Variants in PREX2 observed in about 807,000 individuals in gnomAD.
PREX2 encodes the protein phosphatidylinositol 3,4,5-trisphosphate-dependent Rac exchanger 2 protein.
PREX2 carries 107 observed loss-of-function variants against 203.2 expected under a neutral mutation model. The observed-to-expected ratio is 0.53, with a 90% CI of 0.45 to 0.62. The LOEUF (loss-of-function observed/expected upper bound fraction) is 0.62, where lower values mean the gene tolerates loss of function less well. Among genes scored for constraint, PREX2 ranks in the 20% least tolerant of loss-of-function variants. The probability of loss-of-function intolerance (pLI) is 0.00; values close to 1 mark genes in which losing one functional copy is unlikely to be tolerated. For missense variants in PREX2, 1,777 were observed against 1,955.9 expected (o/e 0.91, Z 1.72); for synonymous variants, 672 against 663.6 (o/e 1.01, Z -0.19).
chr8:68,178,269 T>C (rs748792139), intron 35 of PREX2, among the ~76,000 whole-genome samples: 3 of 152,166 alleles, frequency 2.0e-5, no homozygotes, highest in Non-Finnish European at 4.4e-5. Context: ...CCTTTTTCTC[T>C]GCAACCTCGT....
intron 1 of PREX2, among the ~76,000 whole-genome samples, chr8:67,973,218 C>G (rs1312526504): frequency 2.0e-5 from 3 of 152,178 alleles, no homozygotes; most frequent in Non-Finnish European, 4.4e-5. Flanking sequence ...CAAACATTCT[C>G]AGATTAATCT....
At chr8:68,035,715 T>A (rs1441403667) in intron 6 of PREX2, among the ~76,000 whole-genome samples, 1 of 152,172 alleles carries the variant, frequency 6.6e-6, no homozygotes, top group Non-Finnish European at 1.5e-5. Flanking sequence ...GGGAATTATT[T>A]AATTACTCAA....
chr8:68,010,447 A>G (rs1807225382), intron 1 of PREX2, among the ~76,000 whole-genome samples: 1 of 152,210 alleles, frequency 6.6e-6, no homozygotes, highest in African/African-American at 2.4e-5. Context: ...GTTAATAATA[A>G]TCATAACCAC....
intron 30 of PREX2, among the ~76,000 whole-genome samples, chr8:68,125,143 T>G (rs1020511174): frequency 6.6e-6 from 1 of 152,104 alleles, no homozygotes; most frequent in African/African-American, 2.4e-5. Context: ...TTAGGATCAT[T>G]GAAATCAGTT....
At chr8:68,185,409 C>T (rs1812170293) in intron 35 of PREX2, among the ~76,000 whole-genome samples, 1 of 152,150 alleles carries the variant, frequency 6.6e-6, no homozygotes, top group African/African-American at 2.4e-5. Context: ...TAGGGCATTG[C>T]TTCCACTTGA....
intron 25 of PREX2, among the ~76,000 whole-genome samples, chr8:68,111,356 C>T (rs1810531114): frequency 6.6e-6 from 1 of 152,020 alleles, no homozygotes; most frequent in Non-Finnish European, 1.5e-5. Flanking sequence ...TCTAGCACTG[C>T]CTCACAATCC....
intron 17 of PREX2, among the ~76,000 whole-genome samples, chr8:68,081,442 A>G (rs1410612482): frequency 1.3e-5 from 2 of 151,892 alleles, no homozygotes; most frequent in Non-Finnish European, 2.9e-5. Flanking sequence ...GAACTTCTTG[A>G]CCTTCTGGGA....
chr8:67,976,729 C>CAG lies in PREX2; in HGVS notation c.141+24210_141+24211dup, dbSNP rs765912949. ...GACGGGAGAGAGACAGAGAGAGAGA[C>CAG]AGAGAGAGAGAGAGAGATGCGAGAG... On this transcript the variant is annotated intron_variant, in intron 1 of 39. Transcript: ENST00000288368. 7.2e-4 allele frequency among the ~76,000 whole-genome samples: 33 copies of CAG among 45,670 alleles called. 4 individuals carry two copies. Among genetic ancestry groups the CAG allele is most frequent in the East Asian group, 1.8e-3 (1 of 542 alleles). 30.0% of individuals were successfully genotyped at this position (45,670 alleles called of 152,430 possible).
chr8:68,210,870 A>G (rs1812729917), intron 37 of PREX2, among the ~76,000 whole-genome samples: 1 of 152,238 alleles, frequency 6.6e-6, no homozygotes, highest in South Asian at 2.1e-4. Flanking sequence ...GAGGGTTAAC[A>G]TGTAAACAAT....
At chr8:67,968,534 A>C (rs1273619002) in intron 1 of PREX2, among the ~76,000 whole-genome samples, 10 of 152,206 alleles carry the variant, frequency 6.6e-5, no homozygotes, top group African/African-American at 2.4e-4. Flanking sequence ...AGTATAACCA[A>C]AGGGAAGGAA....
chr8:68,226,255 A>G (rs1052248557), intron 39 of PREX2, among the ~76,000 whole-genome samples: 4 of 152,298 alleles, frequency 2.6e-5, no homozygotes, highest in Admixed American at 1.3e-4. Flanking sequence ...GAGAGTATAA[A>G]CCTGAATTAG....
At chr8:68,035,983 A>G (rs968072021) in intron 6 of PREX2, among the ~76,000 whole-genome samples, 1 of 152,156 alleles carries the variant, frequency 6.6e-6, no homozygotes, top group African/African-American at 2.4e-5. Flanking sequence ...TTGATTAATA[A>G]TTGACTAAAC....
In PREX2 at chr8:68,000,228, G is replaced by A. The variant is rs375151116; in HGVS notation, c.142-17618G>A. On this transcript the variant is annotated intron_variant, in intron 1 of 39. Coordinates refer to ENST00000288368, the MANE Select transcript of PREX2 (RefSeq NM_024870.4). Reference sequence around the variant, plus strand: ...GTCTTAGCCCTGAAGCTCCTTAAGCGGATAAACAATTTTAGCAAAGTCTCT... The same window carrying A: ...GTCTTAGCCCTGAAGCTCCTTAAGCAGATAAACAATTTTAGCAAAGTCTCT... Among the ~76,000 whole-genome samples, 56 of 152,174 alleles carry A rather than the reference G, an allele frequency of 3.7e-4. No individual in the cohort carries two copies. In the South Asian group the frequency reaches 4.6e-3, roughly 12 times the overall value.
intron 8 of PREX2, among the ~76,000 whole-genome samples, chr8:68,046,217 C>T (rs541758753): frequency 1.4e-4 from 22 of 152,102 alleles, no homozygotes; most frequent in Non-Finnish European, 4.4e-5. Context: ...CACTTTCTCC[C>T]TTTACTCCCC....
chr8:68,229,781 A>G (rs1219245422), intron 39 of PREX2, among the ~76,000 whole-genome samples: 5 of 152,176 alleles, frequency 3.3e-5, no homozygotes, highest in Admixed American at 1.3e-4. Flanking sequence ...GACTAAGCCC[A>G]TTGTGCCTTT....
Position 68,217,686 on chromosome 8 carries a change from A to G in PREX2, c.4675A>G (p.Ile1559Val), listed in dbSNP as rs376557966. Residue 1559 changes from isoleucine to valine, a missense_variant, in exon 38 of 40, where the codon ATC becomes GTC. By Grantham distance (29) the Ile-to-Val change is conservative. Coordinates refer to ENST00000288368, the MANE Select transcript of PREX2 (RefSeq NM_024870.4). ...AAGCCACGGACTGCCACCTCGTTAC[A>G]TCATGCAGGCTACAGATGTGATGCG... is the stretch of plus-strand genomic sequence containing the variant. Reference protein sequence around the residue: ...ARSHGLPPRYIMQATDVMRKQ... With the variant: ...ARSHGLPPRYVMQATDVMRKQ... 7 of 1,613,986 alleles carry G rather than the reference A, an allele frequency of 4.3e-6. No individual in the cohort carries two copies. Among genetic ancestry groups the G allele is most frequent in the Non-Finnish European group, 5.9e-6 (7 of 1,179,982 alleles).
At chr8:68,184,914 ACC>A (rs1812159672) in intron 35 of PREX2, among the ~76,000 whole-genome samples, 1 of 152,136 alleles carries the variant, frequency 6.6e-6, no homozygotes, top group African/African-American at 2.4e-5. Flanking sequence ...CACCAGCTTA[ACC>A]CTATTGAGCT....
At chr8:68,209,717 G>A (rs929642925) in intron 37 of PREX2, among the ~76,000 whole-genome samples, 1 of 152,088 alleles carries the variant, frequency 6.6e-6, no homozygotes, top group African/African-American at 2.4e-5. Context: ...TTTCAAATTC[G>A]TTAACAAATA....
In PREX2 at chr8:68,118,554, TGCAACA is replaced by T; in HGVS notation, c.3336_3341del (p.Ser1113_Asn1114del). The T allele has an allele frequency of 6.2e-7, 1 of 1,613,010 alleles. No homozygotes were observed. The highest frequency in any genetic ancestry group is 8.5e-7 in the Non-Finnish European group (1 of 1,178,966). ...CATGAAACCTGTTGTTTTCAGTGAC[TGCAACA>T]GCAATAGGAATTCCATCGCCTCCTT... is the stretch of plus-strand genomic sequence containing the variant. On this transcript the variant is annotated inframe_deletion, in exon 27 of 40. Transcript: ENST00000288368.
Sources: allele counts gnomAD v4.1 joint callset (sites outside exome capture counted in the v4.1 genomes callset), GRCh38; gene constraint gnomAD v4.1.1; transcripts MANE v1.5; gene names NCBI Gene and HGNC (gene_info 2026-07-23, HGNC 2026-07-21).